The following TCF7L2 variants were observed in gnomAD, a reference collection of about 807,000 sequenced individuals.
TCF7L2 encodes transcription factor 7-like 2.
A neutral mutation model predicts 77.9 loss-of-function variants in TCF7L2; 23 were observed. That is an observed-to-expected ratio of 0.30 (90% confidence interval 0.21 to 0.42). The LOEUF is 0.42. Among genes scored for constraint, TCF7L2 ranks in the 10% least tolerant of loss-of-function variants. The probability of loss-of-function intolerance (pLI) is 1.00; values close to 1 mark genes in which losing one functional copy is unlikely to be tolerated. For missense variants in TCF7L2, 654 were observed against 793.1 expected, an observed-to-expected ratio of 0.82 and a Z score of 2.11; for synonymous variants, 413 against 340.2, an observed-to-expected ratio of 1.21 and a Z score of -2.36.
At chr10:112,956,085 A>T (rs1413466170) in intron 3 of TCF7L2, among the ~76,000 whole-genome samples, 1 of 152,114 alleles carries the variant, frequency 6.6e-6, no homozygotes, top group Non-Finnish European at 1.5e-5. Context: ...CAGATGTTTC[A>T]CAACAGGCCC....
intron 3 of TCF7L2, chr10:112,951,865 C>T (rs1232102997): frequency 1.9e-5 from 3 of 155,462 alleles, no homozygotes; most frequent in African/African-American, 7.3e-5. Context: ...GGAGACCTCT[C>T]TGTCCAAGCA....
intron 13 of TCF7L2, among the ~76,000 whole-genome samples, chr10:113,164,573 G>C (rs1220345974): frequency 6.8e-6 from 1 of 148,124 alleles, no homozygotes. Flanking sequence ...CTACGGGGTG[G>C]GGGAGGGGAA....
At chr10:113,093,662 C>A (rs751536640) in intron 5 of TCF7L2, among the ~76,000 whole-genome samples, 3 of 152,144 alleles carry the variant, frequency 2.0e-5, no homozygotes, top group Non-Finnish European at 4.4e-5. Flanking sequence ...CTCAGAAAGT[C>A]AATATCCACC....
intron 5 of TCF7L2, among the ~76,000 whole-genome samples, chr10:113,118,447 G>C (rs1246340882): frequency 2.6e-5 from 4 of 151,246 alleles, no homozygotes; most frequent in Non-Finnish European, 5.9e-5. Context: ...AAAACATTTG[G>C]GTTTTGAATG....
intron 4 of TCF7L2, among the ~76,000 whole-genome samples, chr10:113,027,294 G>A (rs1275387311): frequency 2.0e-5 from 3 of 152,126 alleles, no homozygotes; most frequent in Non-Finnish European, 4.4e-5. Context: ...ATTTGATTTG[G>A]TGTCTGGGTT....
intron 5 of TCF7L2, among the ~76,000 whole-genome samples, chr10:113,136,098 T>C (rs1002954393): frequency 6.6e-6 from 1 of 152,194 alleles, no homozygotes; most frequent in South Asian, 2.1e-4. Flanking sequence ...TCTCAAGGCA[T>C]GTAACCTGGA....
intron 1 of TCF7L2, 107 bp downstream of exon 1, chr10:112,951,052 C>A: frequency 7.0e-7 from 1 of 1,420,970 alleles, no homozygotes. Context: ...CGGGGCCCGG[C>A]GGGCGGCGTG....
chr10:113,027,064 G>T (rs570016728), intron 4 of TCF7L2, among the ~76,000 whole-genome samples: 8 of 152,202 alleles, frequency 5.3e-5, no homozygotes. Flanking sequence ...GTCAGCCCTG[G>T]CCTTAAACAT....
chr10:112,956,626 T>C (rs1038528772), intron 3 of TCF7L2, among the ~76,000 whole-genome samples: 2 of 152,152 alleles, frequency 1.3e-5, no homozygotes, highest in South Asian at 2.1e-4. Flanking sequence ...CTCTGACTTA[T>C]AATTGAGCAC....
chr10:113,142,359 G>A (rs2068533984), intron 6 of TCF7L2, among the ~76,000 whole-genome samples: 1 of 152,180 alleles, frequency 6.6e-6, no homozygotes, highest in Non-Finnish European at 1.5e-5. Context: ...AGGGAAGGTG[G>A]GGTTACTTGT....
intron 4 of TCF7L2, among the ~76,000 whole-genome samples, chr10:112,982,713 C>T: frequency 6.6e-6 from 1 of 152,190 alleles, no homozygotes. Context: ...CTCCATCCAC[C>T]TCCCGGATTC....
Position 112,964,689 on chromosome 10 carries a change from C to T in TCF7L2, c.450+65C>T. 3 of 1,369,932 alleles carry T rather than the reference C, an allele frequency of 2.2e-6. No homozygotes were observed. The East Asian group carries it at 7.3e-5, about 33-fold the overall frequency. The allele number at this position is 1,369,932 out of a possible 1,614,324, so 84.9% of individuals were successfully genotyped here. A position where few individuals can be genotyped will look rare whatever the true frequency, so the allele number is the denominator to read the frequency against. ...ATGTAGGTCTCTTGTGTGTTTTATT[C>T]TCCGCCCCTTCCCCCAACTGAGATA... On this transcript the variant is annotated intron_variant, in intron 4 of 13. Coordinates refer to ENST00000627217, the MANE Select transcript of TCF7L2 (RefSeq NM_001146274.2).
chr10:113,160,905 T>C (rs1445198237), intron 13 of TCF7L2, among the ~76,000 whole-genome samples: 3 of 152,178 alleles, frequency 2.0e-5, no homozygotes, highest in Non-Finnish European at 4.4e-5. Context: ...TCATGAACAA[T>C]ATCCCTGGTG....
At chr10:112,994,973 G>A (rs1304845322) in intron 4 of TCF7L2, among the ~76,000 whole-genome samples, 4 of 152,182 alleles carry the variant, frequency 2.6e-5, no homozygotes, top group South Asian at 2.1e-4. Flanking sequence ...GGTGGTGGGC[G>A]CCTGTAATCC....
intron 3 of TCF7L2, among the ~76,000 whole-genome samples, 154 bp from the exon 4 acceptor site, chr10:112,964,402 T>C (rs778675948): frequency 1.3e-5 from 2 of 152,172 alleles, no homozygotes; most frequent in Non-Finnish European, 2.9e-5. Flanking sequence ...GATCATCTTA[T>C]CCATAGCAAC....
At chr10:113,109,512 T>C (rs2062848310) in intron 5 of TCF7L2, among the ~76,000 whole-genome samples, 1 of 152,212 alleles carries the variant, frequency 6.6e-6, no homozygotes, top group Non-Finnish European at 1.5e-5. Flanking sequence ...TGCCTCAGCC[T>C]CCCAAGTAGC....
chr10:113,151,573 A>T lies in TCF7L2; in HGVS notation c.1002-152A>T. 1.0e-6 allele frequency: 1 copy of T among 963,604 alleles called. No individual in the cohort carries two copies. Among genetic ancestry groups the T allele is most frequent in the South Asian group, 2.5e-5 (1 of 39,284 alleles). The allele number at this position is 963,604 out of a possible 1,614,324, so 59.7% of individuals were successfully genotyped here. A position where few individuals can be genotyped will look rare whatever the true frequency, so the allele number is the denominator to read the frequency against. On this transcript the variant is annotated intron_variant, in intron 9 of 13. Coordinates refer to ENST00000627217, the MANE Select transcript of TCF7L2 (RefSeq NM_001146274.2). This position sits in a 1 kb window ranked among gnomAD's most constrained non-coding sequence, Gnocchi z 5.2. ...CCCCTCCCCAAGCTATTTTTGTTCC[A>T]TTTTCCGGGGTGCAGAAGAACTAAA... is the stretch of plus-strand genomic sequence containing the variant.
intron 4 of TCF7L2, among the ~76,000 whole-genome samples, chr10:113,005,708 G>C (rs140482120): frequency 5.1e-4 from 78 of 152,162 alleles, no homozygotes; most frequent in African/African-American, 1.6e-3. Flanking sequence ...GGGGTTGGCT[G>C]GGGGGGAGGA....
At chr10:112,981,476 T>A (rs188990615) in intron 4 of TCF7L2, among the ~76,000 whole-genome samples, 16 of 152,272 alleles carry the variant, frequency 1.1e-4, no homozygotes, top group Non-Finnish European at 2.9e-5. Flanking sequence ...TCAAGTTAGT[T>A]TTTGCTGATT....
Sources: gnomAD v4.1 joint callset for allele counts (sites outside exome capture counted in the v4.1 genomes callset) on GRCh38, gnomAD v4.1.1 for gene constraint, Gnocchi (gnomAD v3.1) non-coding constraint, MANE v1.5 for transcripts, NCBI Gene and HGNC (gene_info 2026-07-23, HGNC 2026-07-21) for gene names.